The following PIK3CD variants were observed in gnomAD, a reference collection of about 807,000 sequenced individuals.
PIK3CD encodes phosphatidylinositol 4,5-bisphosphate 3-kinase catalytic subunit delta isoform.
PIK3CD carries 20 observed loss-of-function variants against 122.9 expected under a neutral mutation model. The ratio of observed to expected loss-of-function variants is 0.16; its 90% CI spans 0.11 to 0.24. PIK3CD has a LOEUF of 0.24. Ranked by LOEUF, PIK3CD falls within the 10% of genes least tolerant of loss-of-function variation. PIK3CD has a pLI of 1.00. For missense variants in PIK3CD, 787 were observed against 1,406.3 expected (o/e 0.56, Z 7.04); for synonymous variants, 596 against 593.4 (o/e 1.00, Z -0.06).
chr1:9,710,902 C>T lies in PIK3CD; in HGVS notation c.141+306C>T, dbSNP rs535149915. Among the ~76,000 whole-genome samples, 15 of 152,280 alleles carry T rather than the reference C, an allele frequency of 9.9e-5. No individual in the cohort carries two copies. The highest frequency in any genetic ancestry group is 2.0e-4 in the Admixed American group (3 of 15,282). On this transcript the variant is annotated intron_variant, in intron 3 of 23. Coordinates refer to ENST00000377346, the MANE Select transcript of PIK3CD (RefSeq NM_005026.5). The surrounding 1 kb of genome is among the most constrained non-coding windows in gnomAD (Gnocchi z 4.7). ...CCGGGTTCAAGAGATTCTTCCGCCTCAGCCTCCTGAGTAGCTGGGATTACA... is the reference window on the plus strand; with the variant it reads ...CCGGGTTCAAGAGATTCTTCCGCCTTAGCCTCCTGAGTAGCTGGGATTACA...
intron 23 of PIK3CD, among the ~76,000 whole-genome samples, chr1:9,725,275 C>T (rs1290718411): frequency 6.6e-6 from 1 of 152,224 alleles, no homozygotes; most frequent in Non-Finnish European, 1.5e-5. Flanking sequence ...ATTTTTTGGC[C>T]AGGCTGGGTG....
Position 9,717,394 on chromosome 1 carries a change from G to A in PIK3CD, c.931-143G>A. ...CCGCATGGCAGGTTTTCTGGGAAAG[G>A]ATAGCATTGTGGACAGGCCCAAACC... On this transcript the variant is annotated intron_variant, in intron 7 of 23. Coordinates refer to ENST00000377346, the MANE Select transcript of PIK3CD (RefSeq NM_005026.5). This position sits in a 1 kb window ranked among gnomAD's most constrained non-coding sequence, Gnocchi z 5.4. The A allele has an allele frequency of 1.2e-6, 1 of 813,154 alleles. No homozygotes were observed. Among genetic ancestry groups the A allele is most frequent in the South Asian group, 1.4e-5 (1 of 70,880 alleles). The allele number at this position is 813,154 out of a possible 1,614,324, so 50.4% of individuals were successfully genotyped here. A position where few individuals can be genotyped will look rare whatever the true frequency, so the allele number is the denominator to read the frequency against.
At chr1:9,721,382 A>AGG in intron 14 of PIK3CD, 62 bp from the exon 15 acceptor site, 1 of 1,609,930 alleles carries the variant, frequency 6.2e-7, no homozygotes, top group Non-Finnish European at 8.5e-7. Context: ...CTGGCTGCCG[A>AGG]GGGAGCTCCC....
In PIK3CD at chr1:9,719,841, T is replaced by G. The variant is rs28679533; in HGVS notation, c.1243-80T>G. ...TAGCTGGGCTCTGGGTCTTCTCGGG[T>G]GGGGTGCCTGGGGGAGGGCAGGGAA... On this transcript the variant is annotated intron_variant, in intron 9 of 23. Coordinates refer to ENST00000377346, the MANE Select transcript of PIK3CD (RefSeq NM_005026.5). This position sits in a 1 kb window ranked among gnomAD's most constrained non-coding sequence, Gnocchi z 5.5. 1 of 1,114,906 alleles carries G rather than the reference T, an allele frequency of 9.0e-7. No individual in the cohort carries two copies. The highest frequency in any genetic ancestry group is 1.4e-6 in the Non-Finnish European group (1 of 725,864). The allele number at this position is 1,114,906 out of a possible 1,614,324, so 69.1% of individuals were successfully genotyped here.
rs776321257 is a variant in PIK3CD, at chr1:9,720,283, C to T, written c.1470+41C>T. 23 of 1,584,298 alleles carry T rather than the reference C, an allele frequency of 1.5e-5. No homozygotes were observed. The highest frequency in any genetic ancestry group is 5.7e-5 in the South Asian group (5 of 88,206). On this transcript the variant is annotated intron_variant, in intron 11 of 23. Coordinates refer to ENST00000377346, the MANE Select transcript of PIK3CD (RefSeq NM_005026.5). This position sits in a 1 kb window ranked among gnomAD's most constrained non-coding sequence, Gnocchi z 9.0. Reference sequence around the variant, plus strand: ...GCCGCGTGAGGCTGAGGGGCTGGCGCGGAGCTCTCCTGGCCCTGCTCCTGG... The same window carrying T: ...GCCGCGTGAGGCTGAGGGGCTGGCGTGGAGCTCTCCTGGCCCTGCTCCTGG...
chr1:9,684,859 AAAG>A (rs1311746929), intron 1 of PIK3CD, among the ~76,000 whole-genome samples: 21 of 150,852 alleles, frequency 1.4e-4, no homozygotes, highest in African/African-American at 3.2e-4. Context: ...AAAAAAAAAA[AAAG>A]AAAGAAAAAA....
intron 2 of PIK3CD, among the ~76,000 whole-genome samples, chr1:9,707,108 C>T (rs1646863916): frequency 1.3e-5 from 2 of 151,822 alleles, no homozygotes; most frequent in African/African-American, 2.4e-5. Context: ...CCACCATGAG[C>T]CCAGCCTTTT....
At position 9,724,260 on chromosome 1, in the gene PIK3CD, T is replaced by TCTCCCCTCCC; in HGVS notation, c.2719-12_2719-3dup. ...GACACCTTCTCAATCCTCCCCCTCC[T>TCTCCCCTCCC]CTCCCCTCCCCTCAGCTGTTCCACA... is the stretch of plus-strand genomic sequence containing the variant. On this transcript the variant is annotated splice_polypyrimidine_tract_variant and intron_variant, in intron 21 of 23. Coordinates refer to ENST00000377346, the MANE Select transcript of PIK3CD (RefSeq NM_005026.5). The surrounding 1 kb of genome is among the most constrained non-coding windows in gnomAD (Gnocchi z 7.3). 2 of 1,613,874 alleles carry TCTCCCCTCCC rather than the reference T, an allele frequency of 1.2e-6. No homozygotes were observed.
chr1:9,679,767 C>T (rs1434108797), intron 1 of PIK3CD, among the ~76,000 whole-genome samples: 2 of 152,166 alleles, frequency 1.3e-5, no homozygotes. Context: ...ATTCACATAC[C>T]ATACAATTCA....
chr1:9,656,877 A>G (rs1200738445), intron 1 of PIK3CD, among the ~76,000 whole-genome samples: 3 of 146,284 alleles, frequency 2.1e-5, no homozygotes, highest in Non-Finnish European at 4.5e-5. Context: ...CAGGAGGCAG[A>G]GGTTGTAGTG....
rs192439065 is a variant in PIK3CD at position 9,728,564 on chromosome 1, T to C, written c.*1518T>C. 2 of 152,320 alleles carry C rather than the reference T, an allele frequency of 1.3e-5. No individual in the cohort carries two copies. The highest frequency in any genetic ancestry group is 1.3e-4 in the Admixed American group (2 of 15,298). 9.4% of individuals were successfully genotyped at this position (152,320 alleles called of 1,614,324 possible). Reference sequence around the variant, plus strand: ...CAGCTCTGTTCTGATTCACCAGGGGTCCGTCAGTAGTCATTGCCACCCGCG... The same window carrying C: ...CAGCTCTGTTCTGATTCACCAGGGGCCCGTCAGTAGTCATTGCCACCCGCG... On this transcript the variant is annotated 3_prime_UTR_variant, in exon 24 of 24. Transcript: ENST00000377346.
At position 9,719,944 on chromosome 1, in the gene PIK3CD, C is replaced by T. The variant is rs781106957; in HGVS notation, c.1266C>T (p.Asn422=). 1 of 1,613,816 alleles carries T rather than the reference C, an allele frequency of 6.2e-7. No individual in the cohort carries two copies. The highest frequency in any genetic ancestry group is 1.1e-5 in the South Asian group (1 of 91,080). ...AGGACTGCCCCATTGCCTGGGCCAACCTCATGCTGTTTGACTACAAGGACC... is the reference window on the plus strand; with the variant it reads ...AGGACTGCCCCATTGCCTGGGCCAATCTCATGCTGTTTGACTACAAGGACC... ...KKADCPIAWA[N]LMLFDYKDQL... is the part of the protein sequence containing the mutation. Residue 422 remains asparagine, a synonymous_variant, in exon 10 of 24, where the codon AAC becomes AAT. Coordinates refer to ENST00000377346, the MANE Select transcript of PIK3CD (RefSeq NM_005026.5). The surrounding 1 kb of genome is among the most constrained non-coding windows in gnomAD (Gnocchi z 5.5).
intron 23 of PIK3CD, among the ~76,000 whole-genome samples, chr1:9,725,255 T>G (rs1021741408): frequency 5.9e-5 from 9 of 152,208 alleles, no homozygotes; most frequent in Admixed American, 2.0e-4. Flanking sequence ...CCCTCTGCCT[T>G]CTAAAAGATA....
In PIK3CD at chr1:9,700,488, G is replaced by A. The variant is rs534157744; in HGVS notation, c.-33+8917G>A. The stretch of plus-strand genomic sequence containing the variant: ...ATTGTGTTCTTATCCTGTTTCCTTG[G>A]ATATTTTATGAGTGACTTAGATGTG... On this transcript the variant is annotated intron_variant, in intron 2 of 23. Coordinates refer to ENST00000377346, the MANE Select transcript of PIK3CD (RefSeq NM_005026.5). The surrounding 1 kb of genome is among the most constrained non-coding windows in gnomAD (Gnocchi z 5.1). Among the ~76,000 whole-genome samples the A allele has an allele frequency of 6.6e-6, 1 of 152,302 alleles. No individual in the cohort carries two copies. Among genetic ancestry groups the A allele is most frequent in the Admixed American group, 6.5e-5 (1 of 15,282 alleles).
chr1:9,686,856 A>C (rs1645984267), intron 1 of PIK3CD, among the ~76,000 whole-genome samples: 1 of 152,206 alleles, frequency 6.6e-6, no homozygotes, highest in Non-Finnish European at 1.5e-5. Context: ...TCCATGTGTG[A>C]GAGCCAATAC....
At chr1:9,705,395 C>T (rs1003274014) in intron 2 of PIK3CD, among the ~76,000 whole-genome samples, 1 of 150,510 alleles carries the variant, frequency 6.6e-6, no homozygotes, top group African/African-American at 2.4e-5. Flanking sequence ...TACCTGGGAG[C>T]CTGAGGTTGG....
At chr1:9,712,844 T>C (rs192613728) in intron 3 of PIK3CD, among the ~76,000 whole-genome samples, 45 of 152,008 alleles carry the variant, frequency 3.0e-4, no homozygotes, top group African/African-American at 9.9e-4. Flanking sequence ...GAGACCAGCC[T>C]GGGTAACATG....
chr1:9,638,470 C>T, the PIK3CD span, among the ~76,000 whole-genome samples: 3 of 152,074 alleles, frequency 2.0e-5, no homozygotes, highest in African/African-American at 7.2e-5. Context: ...CGGTGGCTCA[C>T]ACCTGTAATC....
intron 1 of PIK3CD, among the ~76,000 whole-genome samples, chr1:9,655,733 T>C: frequency 6.6e-6 from 1 of 150,388 alleles, no homozygotes; most frequent in East Asian, 1.9e-4. Context: ...AGTCTCGCTT[T>C]GTCGCCCAGG....
Sources: allele counts gnomAD v4.1 joint callset (sites outside exome capture counted in the v4.1 genomes callset), GRCh38; gene constraint gnomAD v4.1.1; non-coding constraint Gnocchi (gnomAD v3.1); transcripts MANE v1.5; gene names NCBI Gene and HGNC (gene_info 2026-07-23, HGNC 2026-07-21).